The following CACNB2 variants were observed in gnomAD, a reference collection of about 807,000 sequenced individuals.
CACNB2 encodes the protein voltage-dependent L-type calcium channel subunit beta-2.
A neutral mutation model predicts 73.3 loss-of-function variants in CACNB2; 42 were observed. The observed-to-expected ratio is 0.57, with a 90% CI of 0.45 to 0.74. CACNB2 has a LOEUF of 0.74. CACNB2 is among the 30% of genes least tolerant of loss of function. CACNB2 has a pLI of 0.00. For missense variants in CACNB2, 940 were observed against 853.0 expected, an observed-to-expected ratio of 1.10 and a Z score of -1.27; for synonymous variants, 348 against 310.3, an observed-to-expected ratio of 1.12 and a Z score of -1.28.
chr10:18,237,340 T>C (rs923896997), intron 2 of CACNB2, among the ~76,000 whole-genome samples: 3 of 152,212 alleles, frequency 2.0e-5, no homozygotes, highest in Non-Finnish European at 2.9e-5. Flanking sequence ...GTATGACTGA[T>C]GATGTCCTTA....
chr10:18,249,338 G>C (rs542034244), intron 2 of CACNB2, among the ~76,000 whole-genome samples: 1 of 152,186 alleles, frequency 6.6e-6, no homozygotes, highest in Admixed American at 6.5e-5. Context: ...TGTGATCTCT[G>C]TTGAAGTGTC....
At chr10:18,386,325 T>C (rs1416545941) in intron 2 of CACNB2, among the ~76,000 whole-genome samples, 2 of 152,112 alleles carry the variant, frequency 1.3e-5, no homozygotes, top group African/African-American at 2.4e-5. Flanking sequence ...ATCAAACTTT[T>C]GTCAGCATAT....
intron 2 of CACNB2, among the ~76,000 whole-genome samples, chr10:18,362,033 C>T (rs1345883796): frequency 7.2e-5 from 11 of 152,208 alleles, no homozygotes. Flanking sequence ...TTTCCCATGT[C>T]GCCCAGGCTG....
At chr10:18,204,827 T>C (rs550775073) in intron 2 of CACNB2, among the ~76,000 whole-genome samples, 1 of 152,330 alleles carries the variant, frequency 6.6e-6, no homozygotes, top group Admixed American at 6.5e-5. Flanking sequence ...TGTTATTGCT[T>C]CTGATCACAT....
In CACNB2 at chr10:18,498,375, G is replaced by A. The variant is rs182163363; in HGVS notation, c.354G>A (p.Ala118=). 5.1e-4 allele frequency: 826 copies of A among 1,614,108 alleles called. 16 individuals are homozygous for A. In the South Asian group the frequency reaches 7.8e-3, roughly 15 times the overall value. ...EKAKTKPVAF[A]VRTNVSYSAA... ...TTTAGACAAAGCCCGTTGCATTTGCGGTTCGGACAAATGTCAGCTACAGTG... is the reference window on the plus strand; with the variant it reads ...TTTAGACAAAGCCCGTTGCATTTGCAGTTCGGACAAATGTCAGCTACAGTG... Residue 118 remains alanine (A), a synonymous_variant, in exon 4 of 14, where the codon GCG becomes GCA. Coordinates refer to ENST00000324631, the MANE Select transcript of CACNB2 (RefSeq NM_201596.3).
chr10:18,372,791 G>C (rs774326425), intron 2 of CACNB2, among the ~76,000 whole-genome samples: 10 of 152,082 alleles, frequency 6.6e-5, no homozygotes, highest in Non-Finnish European at 1.3e-4. Context: ...GCACTTTACT[G>C]TCTTCATCTT....
chr10:18,481,208 A>T (rs1175880164), intron 3 of CACNB2, among the ~76,000 whole-genome samples: 5 of 9,812 alleles, frequency 5.1e-4, no homozygotes, highest in African/African-American at 7.5e-4. Context: ...ATATATATAT[A>T]TATATATATA....
intron 2 of CACNB2, among the ~76,000 whole-genome samples, chr10:18,300,558 T>C (rs533109168): frequency 1.3e-5 from 2 of 152,364 alleles, no homozygotes; most frequent in Admixed American, 1.3e-4. Flanking sequence ...GACAACGTAT[T>C]TCAAAACTCT....
chr10:18,436,059 G>A (rs1174854189), intron 3 of CACNB2, among the ~76,000 whole-genome samples: 1 of 152,164 alleles, frequency 6.6e-6, no homozygotes, highest in Non-Finnish European at 1.5e-5. Flanking sequence ...TTAACAAAAG[G>A]AGAACTTCAG....
At chr10:18,182,340 T>G (rs1399650209) in intron 2 of CACNB2, among the ~76,000 whole-genome samples, 1 of 151,148 alleles carries the variant, frequency 6.6e-6, no homozygotes, top group Non-Finnish European at 1.5e-5. Flanking sequence ...AAAATTTTTT[T>G]TTGAAATAAG....
At chr10:18,383,591 G>A (rs755253747) in intron 2 of CACNB2, among the ~76,000 whole-genome samples, 1 of 152,182 alleles carries the variant, frequency 6.6e-6, no homozygotes, top group East Asian at 1.9e-4. Flanking sequence ...CTTTCATGAA[G>A]CTTTCATATT....
intron 9 of CACNB2, 144 bp from the exon 10 acceptor site, chr10:18,527,444 A>C (rs1295486684): frequency 1.6e-6 from 1 of 631,270 alleles, no homozygotes; most frequent in Non-Finnish European, 2.8e-6. Flanking sequence ...AAAAAAAATG[A>C]ATAAGTAAGT....
chr10:18,356,975 C>T (rs1389419770), intron 2 of CACNB2, among the ~76,000 whole-genome samples: 62 of 89,708 alleles, frequency 6.9e-4, no homozygotes, highest in East Asian at 3.3e-3. Flanking sequence ...GACGGAGTTT[C>T]GCTCTGTCGC....
At chr10:18,488,441 C>G (rs11014477) in intron 3 of CACNB2, among the ~76,000 whole-genome samples, 7 of 134,610 alleles carry the variant, frequency 5.2e-5, no homozygotes, top group African/African-American at 1.7e-4. Context: ...CACCACTGCA[C>G]TCCGGCCTGG....
chr10:18,278,075 A>C (rs1201254203), intron 2 of CACNB2, among the ~76,000 whole-genome samples: 1 of 152,252 alleles, frequency 6.6e-6, no homozygotes, highest in Non-Finnish European at 1.5e-5. Context: ...ATCAAGTTAC[A>C]AGGAAAATAT....
At chr10:18,258,466 G>A (rs59713597) in intron 2 of CACNB2, among the ~76,000 whole-genome samples, 32,463 of 152,020 alleles carry the variant, frequency 0.21, 3,679 homozygotes, top group East Asian at 0.44. Context: ...GGTGGCTCAC[G>A]CCTGTAATCC....
intron 11 of CACNB2, among the ~76,000 whole-genome samples, chr10:18,535,656 C>G (rs999116873): frequency 1.3e-5 from 2 of 151,890 alleles, no homozygotes; most frequent in African/African-American, 4.8e-5. Context: ...GCCTGTAGTC[C>G]TAGCTACTTG....
At chr10:18,335,194 C>G (rs2040953497) in intron 2 of CACNB2, among the ~76,000 whole-genome samples, 2 of 151,042 alleles carry the variant, frequency 1.3e-5, no homozygotes, top group South Asian at 4.2e-4. Flanking sequence ...CTTTCTTTTT[C>G]TATTCTCTTA....
chr10:18,385,801 G>T (rs762159193), intron 2 of CACNB2, among the ~76,000 whole-genome samples: 1 of 151,700 alleles, frequency 6.6e-6, no homozygotes, highest in African/African-American at 2.4e-5. Context: ...AGCATGTATC[G>T]CTAGAGATAA....
Sources: gnomAD v4.1 joint callset for allele counts (sites outside exome capture counted in the v4.1 genomes callset) on GRCh38, gnomAD v4.1.1 for gene constraint, MANE v1.5 for transcripts, NCBI Gene and HGNC (gene_info 2026-07-23, HGNC 2026-07-21) for gene names.